The following DLGAP1 variants were observed in gnomAD, a reference collection of about 807,000 sequenced individuals.
The protein encoded by DLGAP1 is disks large-associated protein 1.
In DLGAP1, 11 loss-of-function variants were observed where a neutral mutation model predicts 90.8. The ratio of observed to expected loss-of-function variants is 0.12; its 90% CI spans 0.08 to 0.20. The LOEUF is 0.20. DLGAP1 is among the 10% of genes least tolerant of loss of function. DLGAP1 has a pLI of 1.00. For missense variants in DLGAP1, 1,050 were observed against 1,333.8 expected (o/e 0.79, Z 3.31); for synonymous variants, 558 against 540.7 (o/e 1.03, Z -0.44).
chr18:4,270,413 C>T (rs532254005), intron 1 of DLGAP1, among the ~76,000 whole-genome samples: 6 of 152,094 alleles, frequency 3.9e-5, no homozygotes, highest in East Asian at 1.9e-4. Context: ...ATTTGGGAGG[C>T]GTATAAAACA....
rs1568196188 is a variant in DLGAP1, at chr18:3,824,657, T to C, written c.958-10384A>G. Among the ~76,000 whole-genome samples the C allele has an allele frequency of 2.6e-5, 4 of 152,226 alleles. No individual in the cohort carries two copies. The South Asian group carries it at 8.3e-4, about 32-fold the overall frequency. On this transcript the variant is annotated intron_variant, in intron 4 of 12. Coordinates refer to ENST00000315677, the MANE Select transcript of DLGAP1 (RefSeq NM_004746.4). ...CTTACTTGTGAATCATTAACTTACA[T>C]ATTTGACATTTATAAACAAAGAAAA... is the stretch of plus-strand genomic sequence containing the variant.
chr18:3,721,898 T>TA (rs1009112681), intron 7 of DLGAP1: 84 of 152,302 alleles, frequency 5.5e-4, no homozygotes, highest in African/African-American at 1.9e-3. Flanking sequence ...GTGCAAGTCA[T>TA]AGAGTATTCA....
chr18:4,011,198 A>T (rs2074413529), intron 2 of DLGAP1, among the ~76,000 whole-genome samples: 1 of 142,642 alleles, frequency 7.0e-6, no homozygotes, highest in East Asian at 2.0e-4. Flanking sequence ...AAAAAAAAAA[A>T]ATCCTTACCT....
Position 3,894,175 on chromosome 18 carries a change from C to G in DLGAP1, c.-72-14035G>C, listed in dbSNP as rs2071555368. ...TATTTCCTCCCATTCTGTAAGTGGT[C>G]TGAGTATTTCTTTTGCTGTACAGAA... is the stretch of plus-strand genomic sequence containing the variant. On this transcript the variant is annotated intron_variant, in intron 3 of 12. Transcript: ENST00000315677. 2.0e-5 allele frequency among the ~76,000 whole-genome samples: 3 copies of G among 152,130 alleles called. No homozygotes were observed. In the South Asian group the frequency reaches 6.2e-4, roughly 32 times the overall value.
rs145360787 is a variant in DLGAP1, at chr18:3,547,397, A to G, written c.2058-12782T>C. On this transcript the variant is annotated intron_variant, in intron 9 of 12. Transcript: ENST00000315677. ...CCAGAATGTATAAAGAACTCTTAAA[A>G]CACTCAACAACAAAAAGACAAACAA... is the stretch of plus-strand genomic sequence containing the variant. 5.8e-3 allele frequency among the ~76,000 whole-genome samples: 881 copies of G among 151,662 alleles called. 8 individuals are homozygous for G. Among genetic ancestry groups the G allele is most frequent in the Non-Finnish European group, 9.0e-3 (615 of 67,970 alleles).
chr18:4,238,527 C>T (rs374147043), intron 1 of DLGAP1, among the ~76,000 whole-genome samples: 1 of 152,042 alleles, frequency 6.6e-6, no homozygotes, highest in East Asian at 1.9e-4. Flanking sequence ...TGTAAATACA[C>T]CGTAGAAGTT....
intron 7 of DLGAP1, among the ~76,000 whole-genome samples, chr18:3,656,839 T>C (rs995328195): frequency 3.3e-5 from 5 of 152,038 alleles, no homozygotes; most frequent in African/African-American, 4.8e-5. Flanking sequence ...CTCTGCCTCC[T>C]GGGTGGACGC....
chr18:3,729,354 C>T lies in DLGAP1; in HGVS notation c.1372G>A (p.Gly458Arg), dbSNP rs141663282. The change falls in exon 7 of 13, where the codon GGG becomes AGG. Residue 458 changes from glycine (G) to arginine (R), a missense_variant. Gly to Arg is a moderately radical substitution (Grantham distance 125). This residue lies in a region of DLGAP1 where 565 missense variants were observed against 879.7 expected (regional missense o/e 0.64). Transcript: ENST00000315677. The surrounding 1 kb of genome is among the most constrained non-coding windows in gnomAD (Gnocchi z 6.2). ...ISQVSEMEVNGQFESVCESVF... is the reference protein window; with the variant it reads ...ISQVSEMEVNRQFESVCESVF... ...GACTCGCACACGGACTCGAACTGCC[C>T]GTTCACTTCCATCTCGCTCACCTGC... 2 of 1,613,114 alleles carry T rather than the reference C, an allele frequency of 1.2e-6. No homozygotes were observed. The highest frequency in any genetic ancestry group is 1.7e-6 in the Non-Finnish European group (2 of 1,179,300).
At chr18:4,324,242 A>G (rs1381957812) in intron 1 of DLGAP1, among the ~76,000 whole-genome samples, 2 of 151,816 alleles carry the variant, frequency 1.3e-5, no homozygotes, top group Non-Finnish European at 2.9e-5. Flanking sequence ...AAACAGCTTT[A>G]TGCACAGCAA....
At chr18:4,354,878 T>C (rs1311145209) in intron 1 of DLGAP1, among the ~76,000 whole-genome samples, 2 of 90,448 alleles carry the variant, frequency 2.2e-5, no homozygotes, top group Non-Finnish European at 4.0e-5. Flanking sequence ...TTTCTGCAAT[T>C]ACTCTCACCA....
Position 4,247,606 on chromosome 18 carries a change from T to C in DLGAP1, c.-266-96319A>G, listed in dbSNP as rs1476426407. ...GTCTGCCCAACATGGCAAAACCCCGTCTCTACTAAAAATACAAAAAATTAG... is the reference window on the plus strand; with the variant it reads ...GTCTGCCCAACATGGCAAAACCCCGCCTCTACTAAAAATACAAAAAATTAG... On this transcript the variant is annotated intron_variant, in intron 1 of 12. Transcript: ENST00000315677. Among the ~76,000 whole-genome samples the C allele has an allele frequency of 2.0e-5, 3 of 151,928 alleles. No individual in the cohort carries two copies. In the South Asian group the frequency reaches 6.2e-4, roughly 32 times the overall value.
chr18:4,125,715 C>A (rs2076222313), intron 2 of DLGAP1, among the ~76,000 whole-genome samples: 1 of 152,156 alleles, frequency 6.6e-6, no homozygotes, highest in Non-Finnish European at 1.5e-5. Flanking sequence ...ACTCTAATCA[C>A]AGGGGAAAGT....
chr18:4,277,414 A>G (rs185584355), intron 1 of DLGAP1, among the ~76,000 whole-genome samples: 1 of 152,334 alleles, frequency 6.6e-6, no homozygotes, highest in East Asian at 1.9e-4. Flanking sequence ...TGATAATTTA[A>G]GGATGTCATG....
chr18:4,232,269 C>T (rs150516088), intron 1 of DLGAP1, among the ~76,000 whole-genome samples: 2 of 151,994 alleles, frequency 1.3e-5, no homozygotes, highest in Non-Finnish European at 2.9e-5. Flanking sequence ...ATTGAGGGGT[C>T]CTTAAATTTT....
intron 2 of DLGAP1, among the ~76,000 whole-genome samples, chr18:4,068,795 G>C (rs756235648): frequency 5.9e-5 from 9 of 152,158 alleles, no homozygotes; most frequent in South Asian, 2.1e-4. Context: ...ATGTGTAAAA[G>C]CCAGGAACTG....
intron 4 of DLGAP1, among the ~76,000 whole-genome samples, chr18:3,868,213 TG>T (rs1204417518): frequency 6.6e-6 from 1 of 152,084 alleles, no homozygotes; most frequent in African/African-American, 2.4e-5. Flanking sequence ...AGGAGTGTTA[TG>T]GGGGAATGAT....
At chr18:4,363,078 A>T (rs2081664034) in intron 1 of DLGAP1, among the ~76,000 whole-genome samples, 1 of 152,136 alleles carries the variant, frequency 6.6e-6, no homozygotes, top group Admixed American at 6.5e-5. Context: ...CAGACTTGGC[A>T]TACTGACCTA....
At chr18:3,792,121 C>G (rs1270813977) in intron 5 of DLGAP1, among the ~76,000 whole-genome samples, 1 of 152,128 alleles carries the variant, frequency 6.6e-6, no homozygotes, top group Admixed American at 6.5e-5. Flanking sequence ...AACCAGCTGG[C>G]CCTGTGTACT....
rs869170460 is a variant in DLGAP1, at chr18:3,897,778, A to ATT, written c.-72-17640_-72-17639dup. Among the ~76,000 whole-genome samples, 129 of 94,508 alleles carry ATT rather than the reference A, an allele frequency of 1.4e-3. 2 individuals carry two copies. The highest frequency in any genetic ancestry group is 1.6e-3 in the Non-Finnish European group (78 of 49,628). The allele number at this position is 94,508 out of a possible 152,430, so 62.0% of individuals were successfully genotyped here. A position where few individuals can be genotyped will look rare whatever the true frequency, so the allele number is the denominator to read the frequency against. ...GACCCAGAAGTGTTTCGAATTTCTGATTTTTTTTTTTTTTTTTTTTTTTTT... is the reference window on the plus strand; with the variant it reads ...GACCCAGAAGTGTTTCGAATTTCTGATTTTTTTTTTTTTTTTTTTTTTTTTTT... On this transcript the variant is annotated intron_variant, in intron 3 of 12. Coordinates refer to ENST00000315677, the MANE Select transcript of DLGAP1 (RefSeq NM_004746.4).
Sources: gnomAD v4.1 joint callset for allele counts (sites outside exome capture counted in the v4.1 genomes callset) on GRCh38, gnomAD v4.1.1 for gene constraint, gnomAD v4.1.1 regional missense constraint, Gnocchi (gnomAD v3.1) non-coding constraint, MANE v1.5 for transcripts, NCBI Gene and HGNC (gene_info 2026-07-23, HGNC 2026-07-21) for gene names.